Variants in MGAT4A observed in about 807,000 individuals in gnomAD.
The protein encoded by MGAT4A is N-acetylglucosaminyltransferase IVa.
In MGAT4A, 33 loss-of-function variants were observed where a neutral mutation model predicts 74.1. That is an observed-to-expected ratio of 0.45 (90% CI 0.34 to 0.60). The LOEUF (loss-of-function observed/expected upper bound fraction) is 0.60. MGAT4A is among the 20% of genes least tolerant of loss of function. The probability of loss-of-function intolerance (pLI) is 0.02; values close to 1 mark genes in which losing one functional copy is unlikely to be tolerated. For synonymous variants in MGAT4A, 198 were observed against 210.4 expected (o/e 0.94, Z 0.51); for missense variants, 479 against 628.3 (o/e 0.76, Z 2.54).
Position 98,633,989 on chromosome 2 carries a change from T to C in MGAT4A, c.1468+1233A>G, listed in dbSNP as rs574088206. Among the ~76,000 whole-genome samples the C allele has an allele frequency of 6.8e-4, 104 of 152,272 alleles. No individual in the cohort carries two copies. The Middle Eastern group carries it at 0.02, about 30-fold the overall frequency. On this transcript the variant is annotated intron_variant, in intron 14 of 15. Transcript: ENST00000393487. ...ATGGCTGAATGATACTTACCAAAGG[T>C]AAAACTGTTCTAGAAAGGGCTTAAA...
chr2:98,621,462 G>C lies in MGAT4A; in HGVS notation c.*4104C>G. ...CAGCAATGGTGCCTGAGGTCCTTCTGCTTTGTCTCTTGACTTCTGCCACCA... is the reference window on the plus strand; with the variant it reads ...CAGCAATGGTGCCTGAGGTCCTTCTCCTTTGTCTCTTGACTTCTGCCACCA... On this transcript the variant is annotated 3_prime_UTR_variant, in exon 16 of 16. Transcript: ENST00000393487. The C allele has an allele frequency of 6.4e-7, 1 of 1,551,596 alleles. No individual in the cohort carries two copies. The highest frequency in any genetic ancestry group is 1.7e-4 in the Middle Eastern group (1 of 5,992).
chr2:98,678,056 C>T (rs1254608405), intron 3 of MGAT4A, among the ~76,000 whole-genome samples: 2 of 149,776 alleles, frequency 1.3e-5, no homozygotes, highest in Non-Finnish European at 1.5e-5. Flanking sequence ...CGTGAAACCC[C>T]GTCTCTACTA....
chr2:98,659,524 T>C (rs1017252386), intron 5 of MGAT4A, among the ~76,000 whole-genome samples: 1 of 152,140 alleles, frequency 6.6e-6, no homozygotes, highest in African/African-American at 2.4e-5. Context: ...CCAAGTCTCA[T>C]CTCGAATTGT....
chr2:98,705,413 G>A (rs975810135), intron 2 of MGAT4A, among the ~76,000 whole-genome samples: 3 of 152,038 alleles, frequency 2.0e-5, no homozygotes, highest in Admixed American at 6.6e-5. Context: ...CTCTACCACC[G>A]CCTCTCACTT....
At chr2:98,679,457 C>T (rs974674625) in intron 2 of MGAT4A, among the ~76,000 whole-genome samples, 18 of 143,364 alleles carry the variant, frequency 1.3e-4, no homozygotes, top group Middle Eastern at 3.8e-3. Context: ...CACAGTAAGA[C>T]CCCATCTCTA....
chr2:98,687,349 A>C (rs1378465203), intron 2 of MGAT4A, among the ~76,000 whole-genome samples: 1 of 152,186 alleles, frequency 6.6e-6, no homozygotes, highest in Non-Finnish European at 1.5e-5. Context: ...CTATGTAGAT[A>C]GTTCTTCATT....
In MGAT4A at chr2:98,622,430, A is replaced by G. The variant is rs1701075154; in HGVS notation, c.*3136T>C. On this transcript the variant is annotated 3_prime_UTR_variant, in exon 16 of 16. Transcript: ENST00000393487. Reference sequence around the variant, plus strand: ...AACAGCCCCCATGTGTCTACTGGCTATATGTGTTTTTAAAACTAGTCCCAA... The same window carrying G: ...AACAGCCCCCATGTGTCTACTGGCTGTATGTGTTTTTAAAACTAGTCCCAA... 2 of 985,168 alleles carry G rather than the reference A, an allele frequency of 2.0e-6. No homozygotes were observed. Among genetic ancestry groups the G allele is most frequent in the Non-Finnish European group, 2.4e-6 (2 of 829,784 alleles). The allele number at this position is 985,168 out of a possible 1,614,324, so 61.0% of individuals were successfully genotyped here.
chr2:98,624,118 T>C lies in MGAT4A; in HGVS notation c.*1448A>G, dbSNP rs1575236822. Reference sequence around the variant, plus strand: ...AGCTCTGCCTCCTGGGTTCACGCCATTCTCCTGCCTCAGCCTCCCAAGTAG... The same window carrying C: ...AGCTCTGCCTCCTGGGTTCACGCCACTCTCCTGCCTCAGCCTCCCAAGTAG... On this transcript the variant is annotated 3_prime_UTR_variant, in exon 16 of 16. Coordinates refer to ENST00000393487, the MANE Select transcript of MGAT4A (RefSeq NM_012214.3). The C allele has an allele frequency of 6.6e-6, 5 of 753,212 alleles. No individual in the cohort carries two copies. The highest frequency in any genetic ancestry group is 8.1e-6 in the Non-Finnish European group (5 of 618,042). The allele number at this position is 753,212 out of a possible 1,614,324, so 46.7% of individuals were successfully genotyped here.
chr2:98,627,784 C>T (rs1351861466), intron 14 of MGAT4A, among the ~76,000 whole-genome samples: 2 of 152,222 alleles, frequency 1.3e-5, no homozygotes, highest in Non-Finnish European at 2.9e-5. Flanking sequence ...ATCTCTACCA[C>T]TGCTAAGCCA....
chr2:98,621,340 G>A lies in MGAT4A; in HGVS notation c.*4226C>T, dbSNP rs540845371. On this transcript the variant is annotated 3_prime_UTR_variant, in exon 16 of 16. Coordinates refer to ENST00000393487, the MANE Select transcript of MGAT4A (RefSeq NM_012214.3). ...CTGAATTCAGTTCCCGTGGCTGTAG[G>A]ACTGCAGTTCCCAGCTCCTTTGCTG... The A allele has an allele frequency of 2.4e-5, 36 of 1,501,830 alleles. No homozygotes were observed. The African/African-American group carries it at 4.5e-4, about 19-fold the overall frequency. 93.0% of individuals were successfully genotyped at this position (1,501,830 alleles called of 1,614,324 possible).
chr2:98,678,059 C>T (rs1702002058), intron 3 of MGAT4A, among the ~76,000 whole-genome samples: 1 of 150,168 alleles, frequency 6.7e-6, no homozygotes, highest in African/African-American at 2.4e-5. Context: ...GAAACCCCGT[C>T]TCTACTAATA....
chr2:98,662,387 T>C (rs1701765171), intron 5 of MGAT4A, among the ~76,000 whole-genome samples: 1 of 152,196 alleles, frequency 6.6e-6, no homozygotes, highest in Non-Finnish European at 1.5e-5. Context: ...TTGAACAGTA[T>C]GCATTTGTTT....
At chr2:98,719,259 G>GA (rs1285208298) in intron 2 of MGAT4A, among the ~76,000 whole-genome samples, 1 of 151,656 alleles carries the variant, frequency 6.6e-6, no homozygotes, top group Non-Finnish European at 1.5e-5. Context: ...AGGTGGAAAA[G>GA]AAAAAAAAGG....
At chr2:98,645,127 T>A (rs574603442) in intron 9 of MGAT4A, among the ~76,000 whole-genome samples, 1 of 152,312 alleles carries the variant, frequency 6.6e-6, no homozygotes, top group South Asian at 2.1e-4. Context: ...AGAACTGCAA[T>A]CTTATGTTAA....
In MGAT4A at chr2:98,621,363, C is replaced by G. The variant is rs1282286157; in HGVS notation, c.*4203G>C. On this transcript the variant is annotated 3_prime_UTR_variant, in exon 16 of 16. Coordinates refer to ENST00000393487, the MANE Select transcript of MGAT4A (RefSeq NM_012214.3). ...AGGACTGCAGTTCCCAGCTCCTTTGCTGTTAGCCAAGGCCTCTCTCAGCTC... is the reference window on the plus strand; with the variant it reads ...AGGACTGCAGTTCCCAGCTCCTTTGGTGTTAGCCAAGGCCTCTCTCAGCTC... 1 of 1,532,290 alleles carries G rather than the reference C, an allele frequency of 6.5e-7. No homozygotes were observed. The highest frequency in any genetic ancestry group is 1.4e-5 in the African/African-American group (1 of 72,078). The allele number at this position is 1,532,290 out of a possible 1,614,324, so 94.9% of individuals were successfully genotyped here. A position where few individuals can be genotyped will look rare whatever the true frequency, so the allele number is the denominator to read the frequency against.
chr2:98,674,313 T>G (rs544080383), intron 4 of MGAT4A, among the ~76,000 whole-genome samples: 135 of 152,368 alleles, frequency 8.9e-4, no homozygotes, highest in Non-Finnish European at 1.6e-3. Flanking sequence ...TTCTGCCCTC[T>G]GCATTTTAAA....
intron 2 of MGAT4A, among the ~76,000 whole-genome samples, chr2:98,712,664 C>T (rs370769296): frequency 9.2e-5 from 14 of 152,162 alleles, no homozygotes; most frequent in Non-Finnish European, 1.8e-4. Flanking sequence ...GAACTGAAGA[C>T]GGATTCACAC....
chr2:98,697,380 G>A (rs186714222), intron 2 of MGAT4A, among the ~76,000 whole-genome samples: 1 of 152,318 alleles, frequency 6.6e-6, no homozygotes, highest in East Asian at 1.9e-4. Context: ...AGGTTCCCAG[G>A]GGTTAGGGAT....
At chr2:98,637,567 C>T (rs1487059270) in intron 12 of MGAT4A, among the ~76,000 whole-genome samples, 1 of 152,150 alleles carries the variant, frequency 6.6e-6, no homozygotes, top group South Asian at 2.1e-4. Context: ...AGTAAGTATG[C>T]GTATGCGTTC....
Sources: allele counts gnomAD v4.1 joint callset (sites outside exome capture counted in the v4.1 genomes callset), GRCh38; gene constraint gnomAD v4.1.1; transcripts MANE v1.5; gene names NCBI Gene and HGNC (gene_info 2026-07-23, HGNC 2026-07-21).